CACNG2: variants seen among roughly 807,000 people sequenced by gnomAD.
The protein encoded by CACNG2 is voltage-dependent calcium channel gamma-2 subunit.
A neutral mutation model predicts 25.9 loss-of-function variants in CACNG2; 3 were observed. That is an observed-to-expected ratio of 0.12 (90% confidence interval 0.05 to 0.30). The LOEUF is 0.30. Among genes scored for constraint, CACNG2 ranks in the 10% least tolerant of loss-of-function variants. The pLI, the probability that CACNG2 is intolerant of heterozygous loss-of-function variation, is 1.00. For synonymous variants in CACNG2, 167 were observed against 173.3 expected, an observed-to-expected ratio of 0.96 and a Z score of 0.29; for missense variants, 341 against 432.5, an observed-to-expected ratio of 0.79 and a Z score of 1.88.
intron 1 of CACNG2, among the ~76,000 whole-genome samples, chr22:36,590,304 G>A (rs1401092322): frequency 6.6e-6 from 1 of 152,180 alleles, no homozygotes; most frequent in East Asian, 1.9e-4. Flanking sequence ...ACCTCTCCTT[G>A]AGGCCTGGAC....
At position 36,703,596 on chromosome 22, in the gene CACNG2, C is replaced by T. The variant is rs755244060; in HGVS notation, c.-1020G>A. 6.6e-6 allele frequency: 1 copy of T among 152,496 alleles called. No individual in the cohort carries two copies. The highest frequency in any genetic ancestry group is 1.5e-5 in the Non-Finnish European group (1 of 68,410). The allele number at this position is 152,496 out of a possible 1,614,324, so 9.4% of individuals were successfully genotyped here. A position where few individuals can be genotyped will look rare whatever the true frequency, so the allele number is the denominator to read the frequency against. The stretch of plus-strand genomic sequence containing the variant: ...CTCCCCGGCTGGCTCCCAGGGCCGC[C>T]CGCCAGGAGGGGGGCGCTGGCCAGA... On this transcript the variant is annotated 5_prime_UTR_variant, in exon 1 of 4. Transcript: ENST00000300105.
intron 1 of CACNG2, among the ~76,000 whole-genome samples, chr22:36,644,891 A>G (rs1192713215): frequency 1.3e-5 from 2 of 152,132 alleles, no homozygotes; most frequent in Non-Finnish European, 2.9e-5. Flanking sequence ...TAGGATGACG[A>G]ACCTGGCAGA....
chr22:36,698,233 C>T (rs935054866), intron 1 of CACNG2, among the ~76,000 whole-genome samples: 2 of 152,158 alleles, frequency 1.3e-5, no homozygotes, highest in African/African-American at 4.8e-5. Context: ...CACATATCCT[C>T]ATGATGTTTG....
At chr22:36,631,910 G>T (rs553274667) in intron 1 of CACNG2, among the ~76,000 whole-genome samples, 2 of 152,096 alleles carry the variant, frequency 1.3e-5, no homozygotes, top group African/African-American at 4.8e-5. Flanking sequence ...GTGGAAAAAG[G>T]ACTCCAATGC....
At chr22:36,587,923 G>T (rs1935530669) in intron 1 of CACNG2, among the ~76,000 whole-genome samples, 2 of 152,336 alleles carry the variant, frequency 1.3e-5, no homozygotes, top group East Asian at 3.9e-4. Context: ...GAGTCATCCT[G>T]CATTTTACAT....
chr22:36,603,766 A>G (rs1292877037), intron 1 of CACNG2, among the ~76,000 whole-genome samples: 1 of 152,204 alleles, frequency 6.6e-6, no homozygotes, highest in African/African-American at 2.4e-5. Flanking sequence ...CGCTATTAAG[A>G]TCTACTGCTC....
intron 1 of CACNG2, among the ~76,000 whole-genome samples, chr22:36,625,039 A>AAAAAAAAAAAAAAAAAAAAAAC (rs1325218506): frequency 6.6e-6 from 1 of 150,458 alleles, no homozygotes; most frequent in African/African-American, 2.4e-5. Flanking sequence ...AAAAAAAAAA[A>AAAAAAAAAAAAAAAAAAAAAAC]AAAGAACCAC....
At position 36,564,368 on chromosome 22, in the gene CACNG2, G is replaced by A. The variant is rs201847633; in HGVS notation, c.955C>T (p.Arg319Trp). The A allele has an allele frequency of 6.8e-6, 11 of 1,613,704 alleles. No homozygotes were observed. The highest frequency in any genetic ancestry group is 9.3e-6 in the Non-Finnish European group (11 of 1,179,890). Residue 319 changes from arginine to tryptophan, a missense_variant, in exon 4 of 4, where the codon CGG becomes TGG. By Grantham distance (101) the Arg-to-Trp change is moderately radical. Around this residue, in one of 2 missense-constraint regions of CACNG2, gnomAD observed 172 missense variants for 178.1 expected, o/e 0.97. Coordinates refer to ENST00000300105, the MANE Select transcript of CACNG2 (RefSeq NM_006078.5). The surrounding 1 kb of genome is among the most constrained non-coding windows in gnomAD (Gnocchi z 6.7). Reference sequence around the variant, plus strand: ...CGCGGTCTTTATACGGGGGTGGTCCGGCGGTTGGCTGTGTTGGAGTGGAGA... The same window carrying A: ...CGCGGTCTTTATACGGGGGTGGTCCAGCGGTTGGCTGTGTTGGAGTGGAGA... Reference protein sequence around the residue: ...DSLHSNTANRRTTPV With the variant: ...DSLHSNTANRWTTPV
chr22:36,571,199 G>A (rs1214945451), intron 2 of CACNG2, among the ~76,000 whole-genome samples: 1 of 152,190 alleles, frequency 6.6e-6, no homozygotes, highest in African/African-American at 2.4e-5. Context: ...GCTCATGCCT[G>A]TAATCCCAGC....
intron 1 of CACNG2, among the ~76,000 whole-genome samples, chr22:36,679,179 T>G (rs941078880): frequency 7.6e-6 from 1 of 130,966 alleles, no homozygotes; most frequent in African/African-American, 3.0e-5. Context: ...CCTTCCTTCC[T>G]TCCTTCCTTC....
intron 1 of CACNG2, among the ~76,000 whole-genome samples, chr22:36,622,137 T>C (rs1326701221): frequency 2.0e-5 from 3 of 152,214 alleles, no homozygotes; most frequent in Non-Finnish European, 4.4e-5. Context: ...TGTGCACACT[T>C]GTTTAGCTAG....
At chr22:36,679,614 G>A (rs545256542) in intron 1 of CACNG2, among the ~76,000 whole-genome samples, 1 of 152,258 alleles carries the variant, frequency 6.6e-6, no homozygotes, top group East Asian at 1.9e-4. Flanking sequence ...ACTTGGAGGC[G>A]ATTGGTTGAG....
chr22:36,600,072 A>C (rs1346427836), intron 1 of CACNG2, among the ~76,000 whole-genome samples: 1 of 152,080 alleles, frequency 6.6e-6, no homozygotes, highest in Non-Finnish European at 1.5e-5. Flanking sequence ...TGGACTAAGG[A>C]GCTCCAGCCG....
chr22:36,572,317 C>T (rs1051824500), intron 2 of CACNG2, among the ~76,000 whole-genome samples: 5 of 152,144 alleles, frequency 3.3e-5, no homozygotes, highest in Admixed American at 2.0e-4. Context: ...GGAAAGACAG[C>T]AAATATTTTC....
At chr22:36,635,283 C>CA (rs138390510) in intron 1 of CACNG2, among the ~76,000 whole-genome samples, 3,587 of 67,240 alleles carry the variant, frequency 0.053, 118 homozygotes, top group African/African-American at 0.11. Flanking sequence ...GACCCCGTCT[C>CA]AAAAAAAAAA....
intron 1 of CACNG2, among the ~76,000 whole-genome samples, chr22:36,683,234 T>C (rs946768163): frequency 6.6e-6 from 1 of 152,250 alleles, no homozygotes; most frequent in Non-Finnish European, 1.5e-5. Flanking sequence ...TTCAACTGTA[T>C]AAGAAGTAGC....
At chr22:36,643,813 T>C (rs999967386) in intron 1 of CACNG2, among the ~76,000 whole-genome samples, 4 of 152,202 alleles carry the variant, frequency 2.6e-5, no homozygotes, top group African/African-American at 9.7e-5. Flanking sequence ...TCTAACCATA[T>C]TACCTTATTT....
chr22:36,618,692 G>A (rs1460124931), intron 1 of CACNG2, among the ~76,000 whole-genome samples: 2 of 152,154 alleles, frequency 1.3e-5, no homozygotes, highest in East Asian at 1.9e-4. Context: ...AGGCTGAGGC[G>A]AGCGGATCAT....
At chr22:36,596,171 G>A (rs907722848) in intron 1 of CACNG2, among the ~76,000 whole-genome samples, 2 of 152,234 alleles carry the variant, frequency 1.3e-5, no homozygotes, top group African/African-American at 4.8e-5. Context: ...GAGGCTGTCT[G>A]AGTAATTTTT....
Sources: allele counts gnomAD v4.1 joint callset (sites outside exome capture counted in the v4.1 genomes callset), GRCh38; gene constraint gnomAD v4.1.1; regional missense constraint gnomAD v4.1.1; non-coding constraint Gnocchi (gnomAD v3.1); transcripts MANE v1.5; gene names NCBI Gene and HGNC (gene_info 2026-07-23, HGNC 2026-07-21).